Variants in YARS1 observed in about 807,000 individuals in gnomAD.
YARS1 encodes the protein tyrosyl-tRNA synthetase 1.
Under a neutral mutation model 62.2 loss-of-function variants are expected in YARS1, and 36 were observed. That is an observed-to-expected ratio of 0.58 (90% CI 0.44 to 0.76). The LOEUF (loss-of-function observed/expected upper bound fraction) is 0.76. Among genes scored for constraint, YARS1 ranks in the 30% least tolerant of loss-of-function variants. YARS1 has a pLI of 0.00. For synonymous variants in YARS1, 234 were observed against 244.9 expected, an observed-to-expected ratio of 0.96 and a Z score of 0.42; for missense variants, 524 against 639.8, an observed-to-expected ratio of 0.82 and a Z score of 1.95.
rs934868758 is a variant in YARS1, at chr1:32,775,502, A to C, written c.*479T>G. 4.2e-5 allele frequency: 7 copies of C among 165,426 alleles called. No individual in the cohort carries two copies. Among genetic ancestry groups the C allele is most frequent in the South Asian group, 3.2e-4 (2 of 6,188 alleles). The allele number at this position is 165,426 out of a possible 1,614,324, so 10.2% of individuals were successfully genotyped here. On this transcript the variant is annotated 3_prime_UTR_variant, in exon 13 of 13. Transcript: ENST00000373477. Reference sequence around the variant, plus strand: ...TTGGGAAAGTTGCCAACCACTTGGTAGACCACTAGGTTCTCTGTTTTCCCT... The same window carrying C: ...TTGGGAAAGTTGCCAACCACTTGGTCGACCACTAGGTTCTCTGTTTTCCCT...
intron 4 of YARS1, among the ~76,000 whole-genome samples, chr1:32,804,492 C>T (rs1569763582): frequency 1.3e-5 from 2 of 150,384 alleles, no homozygotes; most frequent in East Asian, 2.0e-4. Flanking sequence ...GGCTGCCAGG[C>T]GGAGGGGCTC....
chr1:32,794,416 G>C lies in YARS1; in HGVS notation c.592-3162C>G, dbSNP rs555830204. On this transcript the variant is annotated intron_variant, in intron 5 of 12. Transcript: ENST00000373477. ...TATTTTATTTTATTTTTGAGACAAG[G>C]TCTCTCTCTGTTGCCCAGCCTGGAG... 5.7e-4 allele frequency among the ~76,000 whole-genome samples: 86 copies of C among 152,168 alleles called. 1 individual carries two copies. The South Asian group carries it at 0.016, about 28-fold the overall frequency.
intron 1 of YARS1, among the ~76,000 whole-genome samples, chr1:32,814,678 C>T (rs1557469361): frequency 6.6e-6 from 1 of 152,254 alleles, no homozygotes; most frequent in Non-Finnish European, 1.5e-5. Flanking sequence ...GCATGAGCCA[C>T]TGCGCTTGGC....
intron 9 of YARS1, 35 bp downstream of exon 9, chr1:32,782,369 C>G: frequency 6.2e-7 from 1 of 1,613,908 alleles, no homozygotes; most frequent in Non-Finnish European, 8.5e-7. Flanking sequence ...AGCTCTCTCT[C>G]CTGATGATGT....
intron 10 of YARS1, 110 bp from the exon 11 acceptor site, chr1:32,780,388 A>G: frequency 1.6e-6 from 2 of 1,282,480 alleles, no homozygotes; most frequent in South Asian, 1.2e-5. Flanking sequence ...AGGCCCCTGG[A>G]AAGACCCCCT....
intron 7 of YARS1, 121 bp from the exon 8 acceptor site, chr1:32,786,568 T>C (rs773068164): frequency 2.1e-6 from 2 of 972,024 alleles, no homozygotes; most frequent in Non-Finnish European, 1.6e-6. Flanking sequence ...CTGAACTTTA[T>C]TGTATGGTAT....
intron 5 of YARS1, among the ~76,000 whole-genome samples, chr1:32,796,889 C>T (rs1222333348): frequency 7.5e-6 from 1 of 133,766 alleles, no homozygotes; most frequent in Non-Finnish European, 1.5e-5. Flanking sequence ...CGCTTGAACC[C>T]GGGAGGTGGA....
At chr1:32,784,320 T>C (rs1053345432) in intron 8 of YARS1, among the ~76,000 whole-genome samples, 2 of 151,992 alleles carry the variant, frequency 1.3e-5, no homozygotes, top group African/African-American at 4.8e-5. Context: ...TGGCGTACAT[T>C]AACATTTCTA....
intron 1 of YARS1, 30 bp downstream of exon 1, chr1:32,817,158 A>T: frequency 6.2e-7 from 1 of 1,613,790 alleles, no homozygotes; most frequent in Non-Finnish European, 8.5e-7. Flanking sequence ...CCTAATCCCC[A>T]ACGGCGCATT....
Position 32,780,069 on chromosome 1 carries a change from C to T in YARS1, c.1334+16G>A. On this transcript the variant is annotated intron_variant, in intron 11 of 12. Coordinates refer to ENST00000373477, the MANE Select transcript of YARS1 (RefSeq NM_003680.4). ...GCCTCCCCAGGTCCTGTGCCCCACTCCAAGTCCTCACTCACATAGAAGCAC... is the reference window on the plus strand; with the variant it reads ...GCCTCCCCAGGTCCTGTGCCCCACTTCAAGTCCTCACTCACATAGAAGCAC... 6.2e-7 allele frequency: 1 copy of T among 1,614,014 alleles called. No individual in the cohort carries two copies.
rs569933548 is a variant in YARS1 at position 32,789,825 on chromosome 1, G to C, written c.684+1337C>G. Among the ~76,000 whole-genome samples the C allele has an allele frequency of 6.0e-5, 9 of 149,246 alleles. 2 individuals carry two copies. Among genetic ancestry groups the C allele is most frequent in the African/African-American group, 2.2e-4 (9 of 40,510 alleles). ...GGCTGGTCTGGAACTCCTGACCTCA[G>C]GTGATCCACCCGCCTTGGCCTCCCA... On this transcript the variant is annotated intron_variant, in intron 6 of 12. Transcript: ENST00000373477.
At chr1:32,798,016 A>G (rs888541738) in intron 4 of YARS1, 173 bp from the exon 5 acceptor site, 5 of 608,546 alleles carry the variant, frequency 8.2e-6, no homozygotes, top group African/African-American at 5.6e-5. Flanking sequence ...GATTACAGAC[A>G]TGCACCACCA....
At chr1:32,786,696 C>T (rs1280702220) in intron 7 of YARS1, 5 of 698,000 alleles carry the variant, frequency 7.2e-6, no homozygotes, top group Non-Finnish European at 1.2e-5. Context: ...ACATGTCTGC[C>T]CCCACCCTTA....
At chr1:32,797,026 AT>A (rs1653622524) in intron 5 of YARS1, among the ~76,000 whole-genome samples, 1 of 77,658 alleles carries the variant, frequency 1.3e-5, no homozygotes, top group Non-Finnish European at 2.4e-5. Context: ...ATATATATAT[AT>A]ATATATATAT....
intron 4 of YARS1, among the ~76,000 whole-genome samples, chr1:32,801,038 T>C (rs1038667821): frequency 2.0e-5 from 3 of 152,154 alleles, no homozygotes; most frequent in Admixed American, 6.5e-5. Context: ...TTATTAAGAT[T>C]ATGATAAAAA....
rs919095746 is a variant in YARS1, at chr1:32,805,555, C to T, written c.510+927G>A. ...CTTTGAATTTCCTTCAAGAACTTTC[C>T]CTATGGATTCACAACCTGGCTATTT... On this transcript the variant is annotated intron_variant, in intron 4 of 12. Coordinates refer to ENST00000373477, the MANE Select transcript of YARS1 (RefSeq NM_003680.4). 1.4e-4 allele frequency among the ~76,000 whole-genome samples: 21 copies of T among 152,252 alleles called. 1 individual carries two copies. The South Asian group carries it at 2.5e-3, about 18-fold the overall frequency.
At chr1:32,803,583 G>C (rs573573705) in intron 4 of YARS1, among the ~76,000 whole-genome samples, 10 of 152,114 alleles carry the variant, frequency 6.6e-5, no homozygotes, top group Admixed American at 2.0e-4. Context: ...CTCTAGCTAC[G>C]AAAGTCCGAG....
chr1:32,813,644 C>T (rs1184572962), intron 1 of YARS1, among the ~76,000 whole-genome samples: 3 of 151,980 alleles, frequency 2.0e-5, no homozygotes, highest in African/African-American at 7.3e-5. Context: ...GTTTACATGC[C>T]TCTAACTCAC....
rs201272488 is a variant in YARS1, at chr1:32,806,472, C to G, written c.510+10G>C. 881 of 1,613,824 alleles carry G rather than the reference C, an allele frequency of 5.5e-4. No homozygotes were observed. The highest frequency in any genetic ancestry group is 7.2e-4 in the Non-Finnish European group (848 of 1,179,954). On this transcript the variant is annotated intron_variant, in intron 4 of 12. Transcript: ENST00000373477. ...AAAGGTCATCGGGCCACTCCATCCC[C>G]CTTAAGTACCTGCAGTCCGGGGTAT...
Sources: gnomAD v4.1 joint callset for allele counts (sites outside exome capture counted in the v4.1 genomes callset) on GRCh38, gnomAD v4.1.1 for gene constraint, MANE v1.5 for transcripts, NCBI Gene and HGNC (gene_info 2026-07-23, HGNC 2026-07-21) for gene names.